DSC3: variants seen among roughly 807,000 people sequenced by gnomAD.
DSC3 encodes the protein desmocollin 3.
Under a neutral mutation model 89.5 loss-of-function variants are expected in DSC3, and 97 were observed. The ratio of observed to expected loss-of-function variants is 1.08; its 90% CI spans 0.92 to 1.28. DSC3 has a LOEUF of 1.28. Among genes scored for constraint, DSC3 ranks in the 50% most tolerant of loss-of-function variants. DSC3 has a pLI of 0.00. For missense variants in DSC3, 1,199 were observed against 1,085.3 expected (o/e 1.10, Z -1.47); for synonymous variants, 436 against 384.1 (o/e 1.14, Z -1.58).
intron 1 of DSC3, among the ~76,000 whole-genome samples, chr18:31,040,333 T>G (rs1005250252): frequency 6.6e-6 from 1 of 152,102 alleles, no homozygotes; most frequent in Non-Finnish European, 1.5e-5. Context: ...AAAAGAATCT[T>G]ATTATTTGTA....
At chr18:30,995,996 A>AAAAAAAAAAAAGAAAG (rs1555631968) in intron 15 of DSC3, among the ~76,000 whole-genome samples, 9 of 136,478 alleles carry the variant, frequency 6.6e-5, no homozygotes, top group African/African-American at 2.1e-4. Flanking sequence ...AAAAAAAAAA[A>AAAAAAAAAAAAGAAAG]AAAGAAAAGA....
At chr18:31,011,721 G>A (rs1201316583) in intron 9 of DSC3, among the ~76,000 whole-genome samples, 3 of 151,884 alleles carry the variant, frequency 2.0e-5, no homozygotes, top group African/African-American at 7.3e-5. Context: ...TGCCAGGCAC[G>A]GTGGCTCACG....
rs766973054 is a variant in DSC3, at chr18:31,022,409, C to T, written c.869G>A (p.Arg290Lys). 26 of 1,613,892 alleles carry T rather than the reference C, an allele frequency of 1.6e-5. No homozygotes were observed. The South Asian group carries it at 2.9e-4, about 18-fold the overall frequency. The stretch of plus-strand genomic sequence containing the variant: ...ATGCACAGAAAAGAGCCCAGGTGAC[C>T]TTGGTGTCTGCTGCAAAATGCTGTA... ...LKYSILQQTP[R>K]SPGLFSVHPS... is the part of the protein sequence containing the mutation. The change falls in exon 7 of 16, where the codon AGG becomes AAG. Residue 290 changes from arginine to lysine, a missense_variant. Arg to Lys is a conservative substitution (Grantham distance 26, BLOSUM62 2). Transcript: ENST00000360428.
chr18:31,006,296 T>TATTATA (rs1984838560), intron 12 of DSC3, among the ~76,000 whole-genome samples: 1 of 151,410 alleles, frequency 6.6e-6, no homozygotes, highest in African/African-American at 2.4e-5. Flanking sequence ...TCGCTGGTAT[T>TATTATA]ATTATTATTA....
intron 1 of DSC3, among the ~76,000 whole-genome samples, chr18:31,036,798 C>CT (rs775187201): frequency 0.035 from 3,713 of 107,470 alleles, 314 homozygotes; most frequent in African/African-American, 0.068. Context: ...TTCTTTCTTC[C>CT]TTTTTTTTTT....
Position 31,008,309 on chromosome 18 carries a change from T to C in DSC3, c.1480A>G (p.Lys494Glu), listed in dbSNP as rs1567952740. 6.2e-7 allele frequency: 1 copy of C among 1,614,138 alleles called. No individual in the cohort carries two copies. The highest frequency in any genetic ancestry group is 1.1e-5 in the South Asian group (1 of 91,080). The change falls in exon 10 of 16, where the codon AAG becomes GAG. Residue 494 changes from lysine to glutamate, a missense_variant. By Grantham distance (56) the Lys-to-Glu change is moderately conservative. Coordinates refer to ENST00000360428, the MANE Select transcript of DSC3 (RefSeq NM_001941.5). ...TTTCTATTTTCGGGGTCATATGCCT[T>C]ATAGCCGTTGATCTTTGACCCCACT... ...LAVGSKINGY[K>E]AYDPENRNGN...
At chr18:31,020,477 G>C (rs890130990) in intron 7 of DSC3, among the ~76,000 whole-genome samples, 2 of 152,206 alleles carry the variant, frequency 1.3e-5, no homozygotes, top group African/African-American at 4.8e-5. Flanking sequence ...AGATGGTGTG[G>C]TGATGGTGAA....
In DSC3 at chr18:31,025,792, G is replaced by T. The variant is rs781101083; in HGVS notation, c.598C>A (p.Pro200Thr). The T allele has an allele frequency of 6.2e-6, 10 of 1,613,112 alleles. No homozygotes were observed. The highest frequency in any genetic ancestry group is 8.5e-6 in the Non-Finnish European group (10 of 1,179,384). Residue 200 changes from proline (P) to threonine (T), a missense_variant, in exon 5 of 16, where the codon CCT becomes ACT. By Grantham distance (38) the Pro-to-Thr change is conservative. Coordinates refer to ENST00000360428, the MANE Select transcript of DSC3 (RefSeq NM_001941.5). The stretch of plus-strand genomic sequence containing the variant: ...ACATCATATTCTTCACGATCCACAG[G>T]CCGAGTGCAAAATAGATTTCCAGTG... ...RDTGNLFCTRPVDREEYDVFD... is the reference protein window; with the variant it reads ...RDTGNLFCTRTVDREEYDVFD...
Position 30,996,955 on chromosome 18 carries a change from C to T in DSC3, c.2329G>A (p.Glu777Lys). The T allele has an allele frequency of 1.9e-6, 3 of 1,614,126 alleles. No individual in the cohort carries two copies. Among genetic ancestry groups the T allele is most frequent in the South Asian group, 1.1e-5 (1 of 91,080 alleles). ...CCTCCTTTCATCATTTCAATGGTTTCCTGCCCTCCATTTTTCATTCCTGAT... is the reference window on the plus strand; with the variant it reads ...CCTCCTTTCATCATTTCAATGGTTTTCTGCCCTCCATTTTTCATTCCTGAT... ...MGSGMKNGGQETIEMMKGGNQ... is the reference protein window; with the variant it reads ...MGSGMKNGGQKTIEMMKGGNQ... Residue 777 changes from glutamate (E) to lysine (K), a missense_variant, in exon 15 of 16, where the codon GAA (glutamate) becomes AAA (lysine). Physicochemically the swap from Glu to Lys is moderately conservative, Grantham distance 56. Coordinates refer to ENST00000360428, the MANE Select transcript of DSC3 (RefSeq NM_001941.5).
rs773550353 is a variant in DSC3 at position 30,997,064 on chromosome 18, G to T, written c.2236-16C>A. On this transcript the variant is annotated splice_polypyrimidine_tract_variant and intron_variant, in intron 14 of 15. Coordinates refer to ENST00000360428, the MANE Select transcript of DSC3 (RefSeq NM_001941.5). Reference sequence around the variant, plus strand: ...TGGCAGAGCACTGAAATAATAAAATGAAATAATTCATGTTGAGAGGAAATG... The same window carrying T: ...TGGCAGAGCACTGAAATAATAAAATTAAATAATTCATGTTGAGAGGAAATG... 2 of 1,613,994 alleles carry T rather than the reference G, an allele frequency of 1.2e-6. No homozygotes were observed. Among genetic ancestry groups the T allele is most frequent in the South Asian group, 2.2e-5 (2 of 91,052 alleles).
intron 5 of DSC3, 41 bp from the exon 6 acceptor site, chr18:31,024,534 C>T (rs760523147): frequency 2.1e-4 from 337 of 1,599,648 alleles, no homozygotes; most frequent in Non-Finnish European, 2.6e-4. Flanking sequence ...ATATCAGATC[C>T]CGGCAAGACA....
chr18:31,024,427 C>A lies in DSC3; in HGVS notation c.697G>T (p.Val233Leu). Residue 233 changes from valine to leucine, a missense_variant, in exon 6 of 16, where the codon GTA (valine) becomes TTA (leucine). Transcript: ENST00000360428. ...GGGTGGTTGTCATTTTCATCCTCTACCCTGATGGGTAGTGGGAGGGGCAGA... is the reference window on the plus strand; with the variant it reads ...GGGTGGTTGTCATTTTCATCCTCTAACCTGATGGGTAGTGGGAGGGGCAGA... ...ADLPLPLPIR[V>L]EDENDNHPVF... The A allele has an allele frequency of 1.9e-6, 3 of 1,612,258 alleles. 1 individual carries two copies. The South Asian group carries it at 3.3e-5, about 18-fold the overall frequency.
Position 31,014,564 on chromosome 18 carries a change from TA to T in DSC3, c.1263+3506del, listed in dbSNP as rs560295069. ...TGGCCTTATTAATAAATAAATGTAA[TA>T]AAGAATCTATTGACATTTAAAACAA... On this transcript the variant is annotated intron_variant, in intron 9 of 15. Coordinates refer to ENST00000360428, the MANE Select transcript of DSC3 (RefSeq NM_001941.5). 1.2e-4 allele frequency among the ~76,000 whole-genome samples: 18 copies of T among 152,240 alleles called. No individual in the cohort carries two copies. The South Asian group carries it at 3.7e-3, about 32-fold the overall frequency.
intron 11 of DSC3, among the ~76,000 whole-genome samples, chr18:31,007,405 T>A (rs1488683945): frequency 6.6e-6 from 1 of 152,154 alleles, no homozygotes; most frequent in Non-Finnish European, 1.5e-5. Flanking sequence ...CAATCTCTAT[T>A]TTTGGGGGTT....
In DSC3 at chr18:31,006,898, A is replaced by G. The variant is rs1454762153; in HGVS notation, c.1888+9T>C. ...CAGAGTTTATAAATCATTATTTTTT[A>G]TTAAATACCATTAACTTTGGTGAGG... is the stretch of plus-strand genomic sequence containing the variant. On this transcript the variant is annotated intron_variant, in intron 12 of 15. Transcript: ENST00000360428. The G allele has an allele frequency of 1.9e-6, 3 of 1,580,182 alleles. No individual in the cohort carries two copies. Among genetic ancestry groups the G allele is most frequent in the Non-Finnish European group, 2.6e-6 (3 of 1,152,150 alleles).
intron 9 of DSC3, 86 bp from the exon 10 acceptor site, chr18:31,008,611 C>G (rs1984952547): frequency 8.6e-6 from 13 of 1,519,938 alleles, no homozygotes; most frequent in African/African-American, 2.7e-5. Context: ...TCATCCTGAC[C>G]AGTGCTGCAT....
chr18:31,025,251 A>T (rs188760343), intron 5 of DSC3, among the ~76,000 whole-genome samples: 2 of 152,294 alleles, frequency 1.3e-5, no homozygotes, highest in South Asian at 4.1e-4. Context: ...CTATAAGCTC[A>T]TCTATATCAG....
At chr18:31,004,763 C>A (rs943207835) in intron 12 of DSC3, among the ~76,000 whole-genome samples, 1 of 152,094 alleles carries the variant, frequency 6.6e-6, no homozygotes, top group African/African-American at 2.4e-5. Flanking sequence ...CTAGTATTTG[C>A]GCACTATTCA....
chr18:30,993,958 G>C lies in DSC3; in HGVS notation c.*217C>G. ...ATGCTTTAGAGACCTTAATTCCAGT[G>C]CTGGAGTTTGAGATTTACCAGTTGT... On this transcript the variant is annotated 3_prime_UTR_variant, in exon 16 of 16. Transcript: ENST00000360428. 2.0e-6 allele frequency: 1 copy of C among 490,148 alleles called. No individual in the cohort carries two copies. The allele number at this position is 490,148 out of a possible 1,614,324, so 30.4% of individuals were successfully genotyped here.
Sources: gnomAD v4.1 joint callset for allele counts (sites outside exome capture counted in the v4.1 genomes callset) on GRCh38, gnomAD v4.1.1 for gene constraint, MANE v1.5 for transcripts, NCBI Gene and HGNC (gene_info 2026-07-23, HGNC 2026-07-21) for gene names.